Variants in MYO1E observed in about 807,000 individuals in gnomAD.
MYO1E encodes myosin IE.
In MYO1E, 68 loss-of-function variants were observed where a neutral mutation model predicts 151.1. The ratio of observed to expected loss-of-function variants is 0.45; its 90% confidence interval spans 0.37 to 0.55. MYO1E has a LOEUF of 0.55. MYO1E is among the 20% of genes least tolerant of loss of function. The pLI is 0.00. For missense variants in MYO1E, 1,363 were observed against 1,389.3 expected, an observed-to-expected ratio of 0.98 and a Z score of 0.30; for synonymous variants, 601 against 501.7, an observed-to-expected ratio of 1.20 and a Z score of -2.64.
At chr15:59,190,829 G>C (rs1329195842) in intron 17 of MYO1E, among the ~76,000 whole-genome samples, 1 of 152,196 alleles carries the variant, frequency 6.6e-6, no homozygotes, top group Non-Finnish European at 1.5e-5. Flanking sequence ...TAGGAGAATA[G>C]AGAAGGAAGT....
intron 1 of MYO1E, among the ~76,000 whole-genome samples, chr15:59,360,656 A>G (rs1470993231): frequency 6.6e-6 from 1 of 152,106 alleles, no homozygotes; most frequent in East Asian, 1.9e-4. Flanking sequence ...TCCCCCAACA[A>G]AAGACAGCAG....
chr15:59,272,944 A>G (rs1475902137), intron 1 of MYO1E, among the ~76,000 whole-genome samples: 2 of 152,254 alleles, frequency 1.3e-5, no homozygotes, highest in African/African-American at 4.8e-5. Flanking sequence ...AAGAATATGT[A>G]TCACACAAAG....
At chr15:59,214,948 A>G (rs1466919219) in intron 10 of MYO1E, among the ~76,000 whole-genome samples, 1 of 152,212 alleles carries the variant, frequency 6.6e-6, no homozygotes, top group Admixed American at 6.5e-5. Context: ...GAAACAAAAA[A>G]TGTTTGTTTA....
At chr15:59,293,787 A>C (rs1294780756) in intron 1 of MYO1E, among the ~76,000 whole-genome samples, 1 of 152,146 alleles carries the variant, frequency 6.6e-6, no homozygotes, top group Non-Finnish European at 1.5e-5. Flanking sequence ...TCACGCCTGT[A>C]ATCCCAGCAC....
At chr15:59,263,870 G>A (rs1227940374) in intron 2 of MYO1E, among the ~76,000 whole-genome samples, 1 of 152,142 alleles carries the variant, frequency 6.6e-6, no homozygotes, top group Non-Finnish European at 1.5e-5. Flanking sequence ...GTCAGATGAG[G>A]CCAATGATAG....
At chr15:59,237,470 T>A (rs927425658) in intron 4 of MYO1E, among the ~76,000 whole-genome samples, 2 of 152,226 alleles carry the variant, frequency 1.3e-5, no homozygotes, top group Non-Finnish European at 2.9e-5. Flanking sequence ...TCCCCCTGAA[T>A]TGATAATGAC....
chr15:59,231,756 C>A lies in MYO1E; in HGVS notation c.456G>T (p.Leu152=), dbSNP rs1393704188. The A allele has an allele frequency of 2.5e-6, 4 of 1,614,204 alleles. No individual in the cohort carries two copies. In the South Asian group the frequency reaches 4.4e-5, roughly 18 times the overall value. The part of the protein sequence containing the change: ...VKDIILQSNP[L]LEAFGNAKTV... The stretch of plus-strand genomic sequence containing the variant: ...TCTTGGCGTTCCCGAAGGCCTCCAG[C>A]AGCGGGTTGGACTGCAGGATAATGT... The change falls in exon 6 of 28, where the codon CTG becomes CTT. Residue 152 remains leucine (L), a synonymous_variant. Transcript: ENST00000288235.
intron 2 of MYO1E, among the ~76,000 whole-genome samples, chr15:59,264,060 A>C (rs1362039809): frequency 6.6e-6 from 1 of 152,144 alleles, no homozygotes; most frequent in African/African-American, 2.4e-5. Flanking sequence ...CTTATCCAAA[A>C]TGCTTTTTGC....
intron 12 of MYO1E, among the ~76,000 whole-genome samples, chr15:59,211,706 G>A (rs372552375): frequency 1.2e-4 from 19 of 152,098 alleles, no homozygotes; most frequent in East Asian, 5.8e-4. Flanking sequence ...TGTCACCATC[G>A]GCCCTGTTAT....
At chr15:59,174,583 TTA>T (rs1356657236) in intron 19 of MYO1E, among the ~76,000 whole-genome samples, 1 of 152,096 alleles carries the variant, frequency 6.6e-6, no homozygotes, top group African/African-American at 2.4e-5. Context: ...AAAGAGTGTA[TTA>T]TTAGGAAGTC....
intron 16 of MYO1E, among the ~76,000 whole-genome samples, chr15:59,199,190 G>T (rs2079785982): frequency 6.6e-6 from 1 of 152,048 alleles, no homozygotes; most frequent in African/African-American, 2.4e-5. Flanking sequence ...TCCACCTCCT[G>T]GGCTCAACCA....
At chr15:59,174,549 T>G (rs1384625167) in intron 19 of MYO1E, among the ~76,000 whole-genome samples, 1 of 152,176 alleles carries the variant, frequency 6.6e-6, no homozygotes, top group Non-Finnish European at 1.5e-5. Flanking sequence ...TCAATGCTTC[T>G]CCACTTATTC....
At chr15:59,325,916 T>C (rs11071431) in intron 1 of MYO1E, among the ~76,000 whole-genome samples, 28,347 of 152,112 alleles carry the variant, frequency 0.19, 3,298 homozygotes, top group African/African-American at 0.32. Context: ...CCATGGCCTA[T>C]AATCAGGGCT....
intron 1 of MYO1E, among the ~76,000 whole-genome samples, chr15:59,320,780 G>GA (rs1389978362): frequency 1.2e-4 from 19 of 152,042 alleles, no homozygotes; most frequent in African/African-American, 4.6e-4. Flanking sequence ...TCTTGGAAAA[G>GA]AATCTATGAT....
chr15:59,345,417 T>C (rs2080788832), intron 1 of MYO1E, among the ~76,000 whole-genome samples: 1 of 152,206 alleles, frequency 6.6e-6, no homozygotes, highest in Admixed American at 6.5e-5. Context: ...GGGATTCTCC[T>C]GCCTCTGCCT....
chr15:59,191,023 G>C lies in MYO1E; in HGVS notation c.1806-2807C>G, dbSNP rs375042428. Among the ~76,000 whole-genome samples the C allele has an allele frequency of 4.6e-5, 7 of 152,214 alleles. No homozygotes were observed. In the South Asian group the frequency reaches 1.0e-3, roughly 23 times the overall value. ...GAGGGGGACAGATGAAGCTCGAAGT[G>C]GGGGTGCAACCTTGGCTGATGGGAA... On this transcript the variant is annotated intron_variant, in intron 17 of 27. Transcript: ENST00000288235.
intron 4 of MYO1E, among the ~76,000 whole-genome samples, chr15:59,253,400 G>A (rs572292721): frequency 2.6e-5 from 4 of 151,662 alleles, no homozygotes; most frequent in East Asian, 1.9e-4. Context: ...CTGGACACAC[G>A]AAGAGAGAGC....
At chr15:59,203,430 A>G (rs1338790117) in intron 15 of MYO1E, among the ~76,000 whole-genome samples, 1 of 148,658 alleles carries the variant, frequency 6.7e-6, no homozygotes. Context: ...ACCAGGCTGG[A>G]GTGCAGTGGC....
chr15:59,305,065 G>A (rs1028361137), intron 1 of MYO1E, among the ~76,000 whole-genome samples: 2 of 152,258 alleles, frequency 1.3e-5, no homozygotes, highest in Non-Finnish European at 2.9e-5. Context: ...CTGTGAACGA[G>A]TGGTGTATAG....
Sources: gnomAD v4.1 joint callset for allele counts (sites outside exome capture counted in the v4.1 genomes callset) on GRCh38, gnomAD v4.1.1 for gene constraint, MANE v1.5 for transcripts, NCBI Gene and HGNC (gene_info 2026-07-23, HGNC 2026-07-21) for gene names.